Variants in TMEM132B observed in about 807,000 individuals in gnomAD.
TMEM132B encodes transmembrane protein 132B.
In TMEM132B, 18 loss-of-function variants were observed where a neutral mutation model predicts 90.8. That is an observed-to-expected ratio of 0.20 (90% CI 0.14 to 0.29). TMEM132B has a LOEUF of 0.29. Among genes scored for constraint, TMEM132B ranks in the 10% least tolerant of loss-of-function variants. The probability of loss-of-function intolerance (pLI) is 1.00; values close to 1 mark genes in which losing one functional copy is unlikely to be tolerated. For synonymous variants in TMEM132B, 504 were observed against 523.3 expected, an observed-to-expected ratio of 0.96 and a Z score of 0.50; for missense variants, 1,096 against 1,326.8, an observed-to-expected ratio of 0.83 and a Z score of 2.70.
intron 3 of TMEM132B, among the ~76,000 whole-genome samples, chr12:125,504,699 A>C (rs1325075226): frequency 6.6e-6 from 1 of 152,136 alleles, no homozygotes; most frequent in African/African-American, 2.4e-5. Context: ...AAGGTTACAG[A>C]GAGTAACCAA....
rs1220769969 is a variant in TMEM132B at position 125,607,562 on chromosome 12, A to G, written c.1437+23568A>G. On this transcript the variant is annotated intron_variant, in intron 5 of 8. Transcript: ENST00000682704. ...TTGTTCATGTGGGGACTCAAAGCAT[A>G]GAGGTATCCTCAGACCAAATTTAGT... 3.3e-5 allele frequency among the ~76,000 whole-genome samples: 5 copies of G among 152,350 alleles called. No homozygotes were observed. The East Asian group carries it at 9.6e-4, about 29-fold the overall frequency.
At chr12:125,437,668 A>G (rs1298364733) in intron 3 of TMEM132B, among the ~76,000 whole-genome samples, 1 of 152,224 alleles carries the variant, frequency 6.6e-6, no homozygotes, top group Non-Finnish European at 1.5e-5. Context: ...AACACAGGCT[A>G]CAACATGGAA....
chr12:125,589,081 A>G (rs553095477), intron 5 of TMEM132B, among the ~76,000 whole-genome samples: 32 of 152,322 alleles, frequency 2.1e-4, no homozygotes, highest in African/African-American at 7.2e-4. Flanking sequence ...GTATAGATAT[A>G]ATATTTATTG....
chr12:125,242,736 C>T (rs1469547882), intron 1 of TMEM132B, among the ~76,000 whole-genome samples: 1 of 152,228 alleles, frequency 6.6e-6, no homozygotes, highest in Admixed American at 6.5e-5. Context: ...ATCTCCTGTT[C>T]TCTGGGGCCA....
In TMEM132B at chr12:125,652,504, G is replaced by C. The variant is rs779725770; in HGVS notation, c.1978G>C (p.Val660Leu). The C allele has an allele frequency of 3.1e-6, 5 of 1,613,580 alleles. No homozygotes were observed. The highest frequency in any genetic ancestry group is 4.2e-6 in the Non-Finnish European group (5 of 1,179,682). The change falls in exon 8 of 9, where the codon GTC becomes CTC. Residue 660 changes from valine to leucine, a missense_variant. Physicochemically the swap from Val to Leu is conservative, Grantham distance 32. Transcript: ENST00000682704. ...GACGGTGATTGTCCTGGATGACCGA[G>C]TCACCATCGCGGAGCTGGGAGTGCA... Reference protein sequence around the residue: ...EKTVIVLDDRVTIAELGVQLV... With the variant: ...EKTVIVLDDRLTIAELGVQLV...
intron 3 of TMEM132B, among the ~76,000 whole-genome samples, chr12:125,470,614 A>G (rs1278121116): frequency 6.6e-6 from 1 of 152,146 alleles, no homozygotes; most frequent in Non-Finnish European, 1.5e-5. Context: ...TCCCAGTGGT[A>G]TATCTAGTGG....
At chr12:125,326,213 T>C (rs1052590075) in intron 1 of TMEM132B, among the ~76,000 whole-genome samples, 1 of 152,180 alleles carries the variant, frequency 6.6e-6, no homozygotes, top group Admixed American at 6.5e-5. Flanking sequence ...CTGTAGACAC[T>C]GGAGAGGCGA....
chr12:125,461,041 C>A (rs537771640), intron 3 of TMEM132B, among the ~76,000 whole-genome samples: 1 of 152,268 alleles, frequency 6.6e-6, no homozygotes, highest in South Asian at 2.1e-4. Flanking sequence ...ATGTTTGCTG[C>A]AAAGGGCTTT....
At chr12:125,361,993 C>G (rs1473323414) in intron 2 of TMEM132B, among the ~76,000 whole-genome samples, 1 of 152,118 alleles carries the variant, frequency 6.6e-6, no homozygotes, top group Admixed American at 6.5e-5. Context: ...CCAAGCCACA[C>G]TTAGATATGC....
At chr12:125,542,025 C>CAAAAAAAAAAAAAAA (rs71306285) in intron 4 of TMEM132B, among the ~76,000 whole-genome samples, 1 of 23,302 alleles carries the variant, frequency 4.3e-5, no homozygotes, top group African/African-American at 1.9e-4. Context: ...ACCCCCGTCT[C>CAAAAAAAAAAAAAAA]AAAAAAAAAA....
intron 1 of TMEM132B, among the ~76,000 whole-genome samples, chr12:125,276,424 C>T (rs895254570): frequency 2.0e-5 from 3 of 152,146 alleles, no homozygotes; most frequent in Admixed American, 6.5e-5. Context: ...TAGAACAAAG[C>T]CACCAGGTGA....
intron 5 of TMEM132B, among the ~76,000 whole-genome samples, chr12:125,626,596 T>G (rs1487855903): frequency 6.6e-6 from 1 of 152,184 alleles, no homozygotes; most frequent in East Asian, 1.9e-4. Context: ...AGTTATTTAT[T>G]TCGGAATCTT....
chr12:125,417,783 G>A (rs1413686833), intron 3 of TMEM132B, among the ~76,000 whole-genome samples: 1 of 152,146 alleles, frequency 6.6e-6, no homozygotes, highest in African/African-American at 2.4e-5. Flanking sequence ...GTCACTTCAG[G>A]GAGAAAGCTG....
At chr12:125,285,418 G>A (rs1481903604) in intron 1 of TMEM132B, among the ~76,000 whole-genome samples, 2 of 152,214 alleles carry the variant, frequency 1.3e-5, no homozygotes, top group Non-Finnish European at 2.9e-5. Flanking sequence ...CTGCGTGGTC[G>A]TGGCTCAGCG....
chr12:125,658,029 A>C lies in TMEM132B; in HGVS notation c.*3319A>C, dbSNP rs1253552282. Reference sequence around the variant, plus strand: ...GAAGGCAAGAAGAAAAGACAATAGAAGGTTACCCTGGAAAAACAACACCTA... The same window carrying C: ...GAAGGCAAGAAGAAAAGACAATAGACGGTTACCCTGGAAAAACAACACCTA... On this transcript the variant is annotated 3_prime_UTR_variant, in exon 9 of 9. Coordinates refer to ENST00000682704, the MANE Select transcript of TMEM132B (RefSeq NM_001366854.1). 1 of 152,262 alleles carries C rather than the reference A, an allele frequency of 6.6e-6. No individual in the cohort carries two copies. Among genetic ancestry groups the C allele is most frequent in the Non-Finnish European group, 1.5e-5 (1 of 68,070 alleles). 9.4% of individuals were successfully genotyped at this position (152,262 alleles called of 1,614,324 possible). A position where few individuals can be genotyped will look rare whatever the true frequency, so the allele number is the denominator to read the frequency against.
At chr12:125,188,147 A>G (rs2136044451) in intron 1 of TMEM132B, among the ~76,000 whole-genome samples, 1 of 152,274 alleles carries the variant, frequency 6.6e-6, no homozygotes, top group South Asian at 2.1e-4. Context: ...ATATTTACCA[A>G]CACCTTCGAC....
intron 5 of TMEM132B, among the ~76,000 whole-genome samples, chr12:125,635,253 TC>T (rs1886454151): frequency 6.6e-6 from 1 of 152,172 alleles, no homozygotes; most frequent in African/African-American, 2.4e-5. Flanking sequence ...CATCAACCCG[TC>T]ATCTACATGA....
chr12:125,396,198 A>C (rs1879164410), intron 2 of TMEM132B, among the ~76,000 whole-genome samples: 1 of 152,130 alleles, frequency 6.6e-6, no homozygotes, highest in Admixed American at 6.5e-5. Context: ...AGTTTCCATT[A>C]ATCTTTCTGG....
At chr12:125,394,275 G>A (rs1419235813) in intron 2 of TMEM132B, among the ~76,000 whole-genome samples, 2 of 152,222 alleles carry the variant, frequency 1.3e-5, no homozygotes, top group Non-Finnish European at 2.9e-5. Context: ...TTTGAATCCA[G>A]GCAGTCTGGT....
Sources: allele counts gnomAD v4.1 joint callset (sites outside exome capture counted in the v4.1 genomes callset), GRCh38; gene constraint gnomAD v4.1.1; transcripts MANE v1.5; gene names NCBI Gene and HGNC (gene_info 2026-07-23, HGNC 2026-07-21).